CFAP92: variants seen among roughly 807,000 people sequenced by gnomAD.
CFAP92 encodes the protein uncharacterized protein CFAP92.
A neutral mutation model predicts 106.3 loss-of-function variants in CFAP92; 86 were observed. The ratio of observed to expected loss-of-function variants is 0.81; its 90% CI spans 0.68 to 0.97. The LOEUF (loss-of-function observed/expected upper bound fraction) is 0.97. CFAP92 is among the 50% of genes least tolerant of loss of function. The pLI, the probability that CFAP92 is intolerant of heterozygous loss-of-function variation, is 0.00. For missense variants in CFAP92, 1,204 were observed against 1,283.8 expected (o/e 0.94, Z 0.95); for synonymous variants, 477 against 506.4 (o/e 0.94, Z 0.78).
At position 128,910,181 on chromosome 3, in the gene CFAP92, G is replaced by T. The variant is rs748382020; in HGVS notation, c.*118C>A. The T allele has an allele frequency of 1.9e-6, 3 of 1,613,562 alleles. No individual in the cohort carries two copies. Among genetic ancestry groups the T allele is most frequent in the Admixed American group, 3.3e-5 (2 of 59,984 alleles). ...CCAGCCCAGCCTCACACAGGGCCTG[G>T]CTGCTGCCATCTGTCCTGCTGCACT... is the stretch of plus-strand genomic sequence containing the variant. On this transcript the variant is annotated 3_prime_UTR_variant, in exon 16 of 16. Coordinates refer to ENST00000645291, the MANE Select transcript of CFAP92 (RefSeq NM_001394090.1).
At position 128,962,019 on chromosome 3, in the gene CFAP92, C is replaced by T. The variant is rs1448727155; in HGVS notation, c.1353+3492G>A. Among the ~76,000 whole-genome samples the T allele has an allele frequency of 3.7e-4, 56 of 151,714 alleles. No individual in the cohort carries two copies. In the South Asian group the frequency reaches 0.01, roughly 27 times the overall value. On this transcript the variant is annotated intron_variant, in intron 9 of 15. Transcript: ENST00000645291. ...TCTGACCACCAGGCCAAGGAATGCC[C>T]GCAGCCCAGGATTCCTCCTAAGCCG...
chr3:129,010,158 C>T, the CFAP92 span, among the ~76,000 whole-genome samples: 14 of 152,258 alleles, frequency 9.2e-5, no homozygotes, highest in African/African-American at 3.4e-4. This position sits in a 1 kb window ranked among gnomAD's most constrained non-coding sequence, Gnocchi z 4.3. Flanking sequence ...CTAAGTGGTC[C>T]AGTGGCCTTG....
chr3:128,956,196 T>TAAAAAAAAAAAAAAAAAAAAAAAAA (rs577724635), intron 9 of CFAP92, among the ~76,000 whole-genome samples: 10 of 61,682 alleles, frequency 1.6e-4, no homozygotes, highest in East Asian at 8.5e-4. Flanking sequence ...AAAAAAAAAA[T>TAAAAAAAAAAAAAAAAAAAAAAAAA]AAAAAAAAAA....
intron 15 of CFAP92, among the ~76,000 whole-genome samples, chr3:128,911,302 C>T (rs933616731): frequency 3.3e-5 from 5 of 152,090 alleles, no homozygotes; most frequent in Non-Finnish European, 5.9e-5. Flanking sequence ...AGGTGATCTG[C>T]CTGCCTCAGC....
chr3:128,997,346 A>T (rs980279749), upstream of CFAP92, among the ~76,000 whole-genome samples: 1 of 152,336 alleles, frequency 6.6e-6, no homozygotes, highest in East Asian at 1.9e-4. Context: ...AAATCCATCC[A>T]TTTCAAGCGT....
At chr3:128,944,425 C>T (rs1488077305) in intron 10 of CFAP92, among the ~76,000 whole-genome samples, 1 of 152,170 alleles carries the variant, frequency 6.6e-6, no homozygotes, top group East Asian at 1.9e-4. Flanking sequence ...CAGACAGCCT[C>T]AACTCCGGGA....
In CFAP92 at chr3:128,933,264, A is replaced by G. The variant is rs565619287; in HGVS notation, c.2454-267T>C. 1.5e-4 allele frequency among the ~76,000 whole-genome samples: 23 copies of G among 152,188 alleles called. No homozygotes were observed. In the East Asian group the frequency reaches 2.9e-3, roughly 19 times the overall value. On this transcript the variant is annotated intron_variant, in intron 11 of 15. Coordinates refer to ENST00000645291, the MANE Select transcript of CFAP92 (RefSeq NM_001394090.1). The stretch of plus-strand genomic sequence containing the variant: ...CTGCTCTGTTCCTGTGTCCTTAGCC[A>G]TGCTTCCCCTCCTCCCATACCCCAT...
upstream of CFAP92, among the ~76,000 whole-genome samples, chr3:128,998,994 A>G (rs1302305905): frequency 1.3e-5 from 2 of 152,158 alleles, no homozygotes; most frequent in African/African-American, 4.8e-5. Flanking sequence ...ATACACAGTG[A>G]TCCTCTCTTG....
At position 128,945,426 on chromosome 3, in the gene CFAP92, G is replaced by T. The variant is rs756051933; in HGVS notation, c.1903C>A (p.Arg635=). The T allele has an allele frequency of 2.6e-6, 4 of 1,536,148 alleles. No individual in the cohort carries two copies. Among genetic ancestry groups the T allele is most frequent in the East Asian group, 2.4e-5 (1 of 40,922 alleles). ...YLEADSQLKL[R]VDIAVPLRAG... ...CTCAGTGGCACCGCGATGTCCACTC[G>T]CAACTTGAGCTGGGAGTCAGCCTCT... Residue 635 remains arginine, a synonymous_variant, in exon 10 of 16, where the codon CGA becomes AGA. Coordinates refer to ENST00000645291, the MANE Select transcript of CFAP92 (RefSeq NM_001394090.1).
At chr3:129,002,807 C>CT (rs1300234999), upstream of CFAP92, 1 of 157,644 alleles carries the variant, frequency 6.3e-6, no homozygotes, top group Admixed American at 6.5e-5. Flanking sequence ...TCAGCAAAGA[C>CT]TTATGGGGCT....
chr3:128,966,212 C>A (rs1374295306), intron 8 of CFAP92, among the ~76,000 whole-genome samples: 2 of 152,240 alleles, frequency 1.3e-5, no homozygotes, highest in African/African-American at 4.8e-5. Flanking sequence ...CCCACACAAG[C>A]CGCATTCCAA....
intron 1 of CFAP92, among the ~76,000 whole-genome samples, chr3:129,000,682 GA>G (rs1265720195): frequency 2.0e-5 from 3 of 152,166 alleles, no homozygotes; most frequent in Non-Finnish European, 2.9e-5. Flanking sequence ...TAAAACACCA[GA>G]AAAAAACATC....
At chr3:129,003,786 C>A (rs1316282635), upstream of CFAP92, 2 of 1,437,536 alleles carry the variant, frequency 1.4e-6, no homozygotes, top group African/African-American at 1.5e-5. Context: ...GCTGCCCTGT[C>A]CCCGCAGGTC....
At chr3:128,997,436 T>C (rs1480074277), upstream of CFAP92, among the ~76,000 whole-genome samples, 3 of 152,108 alleles carry the variant, frequency 2.0e-5, no homozygotes, top group Non-Finnish European at 2.9e-5. Context: ...TTCATCCCCC[T>C]AATAAGACTT....
the CFAP92 span, among the ~76,000 whole-genome samples, chr3:129,021,008 T>C: frequency 6.6e-6 from 1 of 152,248 alleles, no homozygotes. Flanking sequence ...GGGCATCTCC[T>C]TGGGAGCAGT....
the CFAP92 span, among the ~76,000 whole-genome samples, chr3:129,016,003 T>C: frequency 4.7e-4 from 72 of 152,196 alleles, no homozygotes; most frequent in Non-Finnish European, 9.3e-4. Context: ...TGCAGCTTCC[T>C]GAGACTTGCT....
rs1576655972 is a variant in CFAP92, at chr3:128,992,946, T to G, written c.262+97A>C. The G allele has an allele frequency of 4.9e-6, 7 of 1,424,460 alleles. No homozygotes were observed. In the East Asian group the frequency reaches 6.9e-5, roughly 14 times the overall value. The allele number at this position is 1,424,460 out of a possible 1,614,324, so 88.2% of individuals were successfully genotyped here. A position where few individuals can be genotyped will look rare whatever the true frequency, so the allele number is the denominator to read the frequency against. ...CCAGCCCGCTTTGGGGTGGGGCAGGTGGAGAGAGGATGTGGGGTGTATGCG... is the reference window on the plus strand; with the variant it reads ...CCAGCCCGCTTTGGGGTGGGGCAGGGGGAGAGAGGATGTGGGGTGTATGCG... On this transcript the variant is annotated intron_variant, in intron 2 of 15. Transcript: ENST00000645291.
chr3:128,920,336 G>A lies in CFAP92; in HGVS notation c.2752-4065C>T, dbSNP rs567217740. Reference sequence around the variant, plus strand: ...GGAGAATTGCTTGAACCCAGGAGGCGGAGTTTGCAGTGAGCCAAGATAGTG... The same window carrying A: ...GGAGAATTGCTTGAACCCAGGAGGCAGAGTTTGCAGTGAGCCAAGATAGTG... On this transcript the variant is annotated intron_variant, in intron 12 of 15. Coordinates refer to ENST00000645291, the MANE Select transcript of CFAP92 (RefSeq NM_001394090.1). 2.2e-4 allele frequency among the ~76,000 whole-genome samples: 34 copies of A among 152,144 alleles called. No homozygotes were observed. The South Asian group carries it at 2.5e-3, about 11-fold the overall frequency.
Position 128,945,786 on chromosome 3 carries a change from C to A in CFAP92, c.1543G>T (p.Asp515Tyr). ...PPMVVEVHDRDRKSEECSQKP... is the reference protein window; with the variant it reads ...PPMVVEVHDRYRKSEECSQKP... ...TGAGAACACTCCTCTGACTTGCGGT[C>A]CCGGTCGTGAACTTCCACCACCATG... The change falls in exon 10 of 16, where the codon GAC becomes TAC. Residue 515 changes from aspartate to tyrosine, a missense_variant. Physicochemically the swap from Asp to Tyr is radical, Grantham distance 160. Transcript: ENST00000645291. 6.5e-7 allele frequency: 1 copy of A among 1,529,072 alleles called. No homozygotes were observed. Among genetic ancestry groups the A allele is most frequent in the Non-Finnish European group, 8.7e-7 (1 of 1,143,518 alleles). The allele number at this position is 1,529,072 out of a possible 1,614,324, so 94.7% of individuals were successfully genotyped here.
Sources: gnomAD v4.1 joint callset for allele counts (sites outside exome capture counted in the v4.1 genomes callset) on GRCh38, gnomAD v4.1.1 for gene constraint, Gnocchi (gnomAD v3.1) non-coding constraint, MANE v1.5 for transcripts, NCBI Gene and HGNC (gene_info 2026-07-23, HGNC 2026-07-21) for gene names.